The following KLHL2 variants were observed in gnomAD, a reference collection of about 807,000 sequenced individuals.
KLHL2 encodes the protein kelch like family member 2.
KLHL2 carries 15 observed loss-of-function variants against 75.8 expected under a neutral mutation model. The observed-to-expected ratio is 0.20, with a 90% CI of 0.13 to 0.30. The LOEUF is 0.30. Among genes scored for constraint, KLHL2 ranks in the 10% least tolerant of loss-of-function variants. The pLI, the probability that KLHL2 is intolerant of heterozygous loss-of-function variation, is 1.00. For synonymous variants in KLHL2, 214 were observed against 251.9 expected (o/e 0.85, Z 1.42); for missense variants, 381 against 741.0 (o/e 0.51, Z 5.64).
At chr4:165,284,965 A>G (rs377738046) in intron 5 of KLHL2, among the ~76,000 whole-genome samples, 3 of 152,202 alleles carry the variant, frequency 2.0e-5, no homozygotes, top group Non-Finnish European at 2.9e-5. Context: ...CTCATTCACT[A>G]TCATGAGAAC....
chr4:165,263,267 C>A lies in KLHL2; in HGVS notation c.452C>A (p.Ser151Tyr). The change falls in exon 5 of 15, where the codon TCC becomes TAC. Residue 151 changes from serine (S) to tyrosine (Y), a missense_variant. Coordinates refer to ENST00000226725, the MANE Select transcript of KLHL2 (RefSeq NM_007246.4). ...AAGACTTGTTGTGAATTTTTGGAAT[C>A]CCAGCTTCACCCTGTCAACTGCTTA... Reference protein sequence around the residue: ...VKKTCCEFLESQLHPVNCLGI... With the variant: ...VKKTCCEFLEYQLHPVNCLGI... 6.2e-7 allele frequency: 1 copy of A among 1,614,042 alleles called. No individual in the cohort carries two copies. Among genetic ancestry groups the A allele is most frequent in the East Asian group, 2.2e-5 (1 of 44,866 alleles).
chr4:165,257,889 C>G (rs1456532989), intron 4 of KLHL2, among the ~76,000 whole-genome samples: 1 of 151,738 alleles, frequency 6.6e-6, no homozygotes, highest in Non-Finnish European at 1.5e-5. Context: ...GTGCTGACAG[C>G]AGTAGGTGCT....
At chr4:165,236,641 G>T (rs1488819871) in intron 3 of KLHL2, among the ~76,000 whole-genome samples, 1 of 152,192 alleles carries the variant, frequency 6.6e-6, no homozygotes. Context: ...ACTGGAATTA[G>T]ATATAAATAA....
At chr4:165,264,706 A>G (rs56389866) in intron 5 of KLHL2, among the ~76,000 whole-genome samples, 26,597 of 61,056 alleles carry the variant, frequency 0.44, 5,367 homozygotes, top group Non-Finnish European at 0.51. Context: ...GTGTGTGTGT[A>G]TATATATATA....
At chr4:165,293,499 C>CTTT (rs559134623) in intron 5 of KLHL2, among the ~76,000 whole-genome samples, 3 of 142,832 alleles carry the variant, frequency 2.1e-5, no homozygotes, top group African/African-American at 2.6e-5. Flanking sequence ...TTCTGTCTCT[C>CTTT]TTTTTTTTTT....
At chr4:165,248,933 T>C (rs1352372976) in intron 4 of KLHL2, among the ~76,000 whole-genome samples, 3 of 152,234 alleles carry the variant, frequency 2.0e-5, no homozygotes, top group African/African-American at 7.2e-5. Context: ...TTATGTTATT[T>C]GTGTATATAT....
intron 5 of KLHL2, among the ~76,000 whole-genome samples, chr4:165,282,866 G>C (rs1743802980): frequency 6.6e-6 from 1 of 151,826 alleles, no homozygotes; most frequent in Admixed American, 6.6e-5. Context: ...ACATATCCGA[G>C]ACTGGGCAAT....
At chr4:165,307,062 C>T (rs988461025) in intron 9 of KLHL2, among the ~76,000 whole-genome samples, 6 of 152,266 alleles carry the variant, frequency 3.9e-5, no homozygotes, top group East Asian at 1.9e-4. Context: ...GTAATCCCAG[C>T]GCTTTGGGAG....
At chr4:165,235,511 A>G (rs1739265772) in intron 3 of KLHL2, among the ~76,000 whole-genome samples, 1 of 152,198 alleles carries the variant, frequency 6.6e-6, no homozygotes, top group Admixed American at 6.5e-5. Context: ...AAAATGCTAC[A>G]TTTTAAATTG....
chr4:165,264,750 A>ATATATATATATATATG (rs1742091838), intron 5 of KLHL2, among the ~76,000 whole-genome samples: 2 of 88,350 alleles, frequency 2.3e-5, no homozygotes, highest in Non-Finnish European at 4.3e-5. Flanking sequence ...GTATATATAT[A>ATATATATATATATATG]TATATATATA....
chr4:165,264,924 G>A (rs1742126729), intron 5 of KLHL2, among the ~76,000 whole-genome samples: 1 of 150,802 alleles, frequency 6.6e-6, no homozygotes. Context: ...TGCTGGATTG[G>A]ATTTTAATTT....
At chr4:165,251,279 C>G (rs1362677549) in intron 4 of KLHL2, among the ~76,000 whole-genome samples, 1 of 151,464 alleles carries the variant, frequency 6.6e-6, no homozygotes, top group Non-Finnish European at 1.5e-5. Context: ...ATCACTTTAC[C>G]TGGTTAGTAC....
At chr4:165,271,210 A>C (rs1379792726) in intron 5 of KLHL2, among the ~76,000 whole-genome samples, 1 of 151,968 alleles carries the variant, frequency 6.6e-6, no homozygotes, top group Non-Finnish European at 1.5e-5. Flanking sequence ...TTTTGATAGG[A>C]ATTGCATTGA....
intron 1 of KLHL2, chr4:165,210,235 T>G: frequency 6.9e-7 from 1 of 1,451,734 alleles, no homozygotes; most frequent in Non-Finnish European, 9.5e-7. Flanking sequence ...TGCCTGTCTC[T>G]GCCTGGCACT....
At chr4:165,286,358 G>A (rs970255921) in intron 5 of KLHL2, among the ~76,000 whole-genome samples, 1 of 152,156 alleles carries the variant, frequency 6.6e-6, no homozygotes, top group Non-Finnish European at 1.5e-5. Flanking sequence ...GGGTTTGGGG[G>A]GAGAGGTTGG....
intron 13 of KLHL2, among the ~76,000 whole-genome samples, chr4:165,315,896 G>A (rs1490699773): frequency 6.6e-6 from 1 of 152,188 alleles, no homozygotes; most frequent in African/African-American, 2.4e-5. Flanking sequence ...GTTTTCATAA[G>A]TATGGTAAAT....
chr4:165,264,752 A>ATATATATG (rs1742094745), intron 5 of KLHL2, among the ~76,000 whole-genome samples: 9 of 83,628 alleles, frequency 1.1e-4, no homozygotes, highest in Non-Finnish European at 2.4e-5. Context: ...ATATATATAT[A>ATATATATG]TATATATATA....
At chr4:165,243,221 A>G (rs1739964684) in intron 4 of KLHL2, among the ~76,000 whole-genome samples, 1 of 152,204 alleles carries the variant, frequency 6.6e-6, no homozygotes, top group South Asian at 2.1e-4. Context: ...CATTTACTTC[A>G]TTGCTAAATT....
At chr4:165,304,457 G>A (rs1339268860) in intron 8 of KLHL2, among the ~76,000 whole-genome samples, 1 of 151,910 alleles carries the variant, frequency 6.6e-6, no homozygotes, top group African/African-American at 2.4e-5. Context: ...TTTATTTTTT[G>A]TTTCTTTCTA....
Sources: allele counts gnomAD v4.1 joint callset (sites outside exome capture counted in the v4.1 genomes callset), GRCh38; gene constraint gnomAD v4.1.1; transcripts MANE v1.5; gene names NCBI Gene and HGNC (gene_info 2026-07-23, HGNC 2026-07-21).